SPAG16: variants seen among roughly 807,000 people sequenced by gnomAD.
The protein encoded by SPAG16 is sperm associated antigen 16.
A neutral mutation model predicts 80.4 loss-of-function variants in SPAG16; 86 were observed. The observed-to-expected ratio is 1.07, with a 90% confidence interval of 0.90 to 1.28. The LOEUF (loss-of-function observed/expected upper bound fraction) is 1.28, where lower values mean the gene tolerates loss of function less well. Among genes scored for constraint, SPAG16 ranks in the 50% most tolerant of loss-of-function variants. SPAG16 has a pLI of 0.00. For synonymous variants in SPAG16, 294 were observed against 265.9 expected, an observed-to-expected ratio of 1.11 and a Z score of -1.03; for missense variants, 870 against 765.3, an observed-to-expected ratio of 1.14 and a Z score of -1.61.
intron 11 of SPAG16, among the ~76,000 whole-genome samples, chr2:213,889,613 CAAAATATATATAT>C (rs2076699881): frequency 6.7e-6 from 1 of 149,446 alleles, no homozygotes. Context: ...CACACACACA[CAAAATATATATAT>C]ACATATACAT....
intron 10 of SPAG16, among the ~76,000 whole-genome samples, chr2:213,808,458 G>A (rs2071912154): frequency 6.6e-6 from 1 of 152,112 alleles, no homozygotes; most frequent in Admixed American, 6.5e-5. Context: ...GGGTATAGGA[G>A]GATGAGCTCA....
intron 10 of SPAG16, among the ~76,000 whole-genome samples, chr2:213,649,470 T>C (rs2062946533): frequency 6.6e-6 from 1 of 152,200 alleles, no homozygotes. Context: ...ACTTATAATT[T>C]AAAAAAATAA....
intron 13 of SPAG16, among the ~76,000 whole-genome samples, chr2:214,064,020 T>A (rs1011954760): frequency 6.6e-6 from 1 of 152,146 alleles, no homozygotes; most frequent in African/African-American, 2.4e-5. Flanking sequence ...TATGCTCTCA[T>A]TCCAACAACC....
chr2:213,783,290 A>T (rs1161046772), intron 10 of SPAG16, among the ~76,000 whole-genome samples: 1 of 145,422 alleles, frequency 6.9e-6, no homozygotes, highest in Non-Finnish European at 1.5e-5. Context: ...CTTAATGTGC[A>T]CATGTACCCT....
rs146939547 is a variant in SPAG16, at chr2:214,145,916, G to T, written c.1594-3224G>T. Among the ~76,000 whole-genome samples, 199 of 152,216 alleles carry T rather than the reference G, an allele frequency of 1.3e-3. 1 individual carries two copies. Among genetic ancestry groups the T allele is most frequent in the African/African-American group, 4.5e-3 (185 of 41,540 alleles). ...ACACGTAGTAAGAACTATACTGGAT[G>T]CTGGAGATGCAGTGTTACAAAAACA... On this transcript the variant is annotated intron_variant, in intron 14 of 15. Transcript: ENST00000331683.
At chr2:213,323,833 C>G (rs1361865211) in intron 5 of SPAG16, among the ~76,000 whole-genome samples, 2 of 152,124 alleles carry the variant, frequency 1.3e-5, no homozygotes, top group Non-Finnish European at 2.9e-5. Flanking sequence ...TGAGGACATG[C>G]ATGAACCTTG....
Position 214,410,295 on chromosome 2 carries a change from A to C in SPAG16, c.1876A>C (p.Thr626Pro), listed in dbSNP as rs1002900415. Residue 626 changes from threonine (T) to proline (P), a missense_variant, in exon 16 of 16, where the codon ACA becomes CCA. Transcript: ENST00000331683. ...TCTCTTTTCTGGAGGCTCTGACGGC[A>C]CAGTTCGAACGTGGTCTTGACCGTC... ...EILFSGGSDG[T>P]VRTWS 3.7e-6 allele frequency: 6 copies of C among 1,605,706 alleles called. No homozygotes were observed. In the African/African-American group the frequency reaches 6.7e-5, roughly 18 times the overall value.
At chr2:214,291,982 A>G (rs560789721) in intron 15 of SPAG16, among the ~76,000 whole-genome samples, 2 of 152,230 alleles carry the variant, frequency 1.3e-5, no homozygotes, top group South Asian at 2.1e-4. Flanking sequence ...GAAAAACTTC[A>G]TTTCCCCTTT....
At chr2:213,579,312 G>C (rs2060226240) in intron 10 of SPAG16, among the ~76,000 whole-genome samples, 1 of 152,132 alleles carries the variant, frequency 6.6e-6, no homozygotes, top group Non-Finnish European at 1.5e-5. Flanking sequence ...CTATTTCACT[G>C]CTCTCTCTAC....
intron 15 of SPAG16, among the ~76,000 whole-genome samples, chr2:214,296,462 T>A (rs1694139273): frequency 6.6e-6 from 1 of 152,212 alleles, no homozygotes; most frequent in Admixed American, 6.5e-5. Flanking sequence ...ATTTGACACA[T>A]CTTCCTACTG....
Position 213,765,577 on chromosome 2 carries a change from A to G in SPAG16, c.1071-96908A>G, listed in dbSNP as rs531769156. Among the ~76,000 whole-genome samples, 25 of 149,020 alleles carry G rather than the reference A, an allele frequency of 1.7e-4. No individual in the cohort carries two copies. In the East Asian group the frequency reaches 3.6e-3, roughly 21 times the overall value. On this transcript the variant is annotated intron_variant, in intron 10 of 15. Coordinates refer to ENST00000331683, the MANE Select transcript of SPAG16 (RefSeq NM_024532.5). ...CTGCATTCTTACATTCCTTACATTT[A>G]TTCATTCACAATGTCACGTGTGTGT...
chr2:213,502,693 A>G (rs1340261012), intron 10 of SPAG16, among the ~76,000 whole-genome samples: 1 of 152,194 alleles, frequency 6.6e-6, no homozygotes, highest in Non-Finnish European at 1.5e-5. Context: ...TTTTCACATA[A>G]TTTCTCATTT....
At chr2:213,777,841 A>G (rs912696892) in intron 10 of SPAG16, among the ~76,000 whole-genome samples, 2 of 152,150 alleles carry the variant, frequency 1.3e-5, no homozygotes, top group African/African-American at 2.4e-5. Flanking sequence ...CTGGCCTGTA[A>G]GAACAATTTA....
At chr2:213,588,534 G>A (rs2060550027) in intron 10 of SPAG16, among the ~76,000 whole-genome samples, 1 of 150,396 alleles carries the variant, frequency 6.6e-6, no homozygotes. Context: ...CGGGCGCGGT[G>A]GCTCACGCCT....
chr2:213,346,060 G>A (rs567141556), intron 6 of SPAG16, among the ~76,000 whole-genome samples: 9 of 152,218 alleles, frequency 5.9e-5, no homozygotes, highest in South Asian at 2.1e-4. Flanking sequence ...ATTTCCTTGA[G>A]CAGTGGTTTT....
chr2:214,285,924 CA>C, intron 15 of SPAG16, among the ~76,000 whole-genome samples: 1 of 152,228 alleles, frequency 6.6e-6, no homozygotes, highest in South Asian at 2.1e-4. Flanking sequence ...CTGTCATAGC[CA>C]AAATGTCATC....
At chr2:213,966,646 C>A (rs535870279) in intron 12 of SPAG16, among the ~76,000 whole-genome samples, 13 of 152,254 alleles carry the variant, frequency 8.5e-5, no homozygotes, top group African/African-American at 3.1e-4. Flanking sequence ...TCCAAATCTT[C>A]TATGGTATAC....
intron 9 of SPAG16, among the ~76,000 whole-genome samples, chr2:213,416,569 A>G (rs575330057): frequency 5.3e-5 from 8 of 151,248 alleles, no homozygotes; most frequent in African/African-American, 1.7e-4. Context: ...TTGTTACACC[A>G]CAGCACTTGG....
At chr2:213,823,548 T>C (rs2073083317) in intron 10 of SPAG16, among the ~76,000 whole-genome samples, 2 of 151,986 alleles carry the variant, frequency 1.3e-5, no homozygotes, top group South Asian at 4.2e-4. Flanking sequence ...TTAGTAGAGA[T>C]AGGGTTTCTC....
Sources: gnomAD v4.1 joint callset for allele counts (sites outside exome capture counted in the v4.1 genomes callset) on GRCh38, gnomAD v4.1.1 for gene constraint, MANE v1.5 for transcripts, NCBI Gene and HGNC (gene_info 2026-07-23, HGNC 2026-07-21) for gene names.